Variants in SMARCA2 observed in about 807,000 individuals in gnomAD.
SMARCA2 encodes the protein SWI/SNF related BAF chromatin remodeling complex subunit ATPase 2, also known as SWI/SNF-related matrix-associated actin-dependent regulator of chromatin subfamily A member 2.
A neutral mutation model predicts 199.8 loss-of-function variants in SMARCA2; 61 were observed. That is an observed-to-expected ratio of 0.31 (90% CI 0.25 to 0.38). The LOEUF (loss-of-function observed/expected upper bound fraction) is 0.38, where lower values mean the gene tolerates loss of function less well. Among genes scored for constraint, SMARCA2 ranks in the 10% least tolerant of loss-of-function variants. The pLI is 1.00. For synonymous variants in SMARCA2, 935 were observed against 732.0 expected (o/e 1.28, Z -4.48); for missense variants, 1,344 against 2,012.2 (o/e 0.67, Z 6.35).
intron 21 of SMARCA2, among the ~76,000 whole-genome samples, chr9:2,099,332 A>G (rs967294461): frequency 6.6e-6 from 1 of 152,168 alleles, no homozygotes; most frequent in Admixed American, 6.5e-5. Context: ...AAACAATTTT[A>G]AGACATGTAT....
chr9:2,071,450 C>G (rs545008611), intron 10 of SMARCA2, among the ~76,000 whole-genome samples: 1 of 152,292 alleles, frequency 6.6e-6, no homozygotes, highest in African/African-American at 2.4e-5. Context: ...CCCAGCCTTA[C>G]CTAAGAATGC....
chr9:2,186,136 G>C lies in SMARCA2; in HGVS notation c.4502G>C (p.Ser1501Thr). The C allele has an allele frequency of 6.2e-7, 1 of 1,614,066 alleles. No homozygotes were observed. Residue 1501 changes from serine to threonine, a missense_variant, in exon 32 of 34, where the codon AGT (serine) becomes ACT (threonine). Transcript: ENST00000349721. ...ATCGTCTTACAGTCAGTGTTTAAGA[G>C]TGCCCGGCAGAAAATTGCCAAAGAG... Reference protein sequence around the residue: ...DSIVLQSVFKSARQKIAKEEE... With the variant: ...DSIVLQSVFKTARQKIAKEEE...
rs1038080346 is a variant in SMARCA2, at chr9:2,086,493, C to A, written c.2527-336C>A. On this transcript the variant is annotated intron_variant, in intron 17 of 33. Transcript: ENST00000349721. This position sits in a 1 kb window ranked among gnomAD's most constrained non-coding sequence, Gnocchi z 4.3. ...AAATCTGGGATAGCTGTCATGATAA[C>A]GTATTAATAGAAGGGGCATTGGATG... Among the ~76,000 whole-genome samples, 4 of 152,092 alleles carry A rather than the reference C, an allele frequency of 2.6e-5. No individual in the cohort carries two copies. The highest frequency in any genetic ancestry group is 5.9e-5 in the Non-Finnish European group (4 of 68,028).
chr9:2,124,939 G>A (rs918933031), intron 27 of SMARCA2, among the ~76,000 whole-genome samples: 3 of 152,096 alleles, frequency 2.0e-5, no homozygotes, highest in African/African-American at 7.2e-5. Context: ...AGTGTAGTTG[G>A]GTAAAAACCA....
intron 24 of SMARCA2, among the ~76,000 whole-genome samples, chr9:2,111,085 T>C (rs1277018766): frequency 2.0e-5 from 3 of 151,092 alleles, no homozygotes; most frequent in Non-Finnish European, 4.4e-5. Context: ...CTCATGGCAC[T>C]GGTTTTCTAA....
intron 14 of SMARCA2, among the ~76,000 whole-genome samples, chr9:2,078,837 C>G (rs1000553385): frequency 6.6e-6 from 1 of 151,800 alleles, no homozygotes; most frequent in Admixed American, 6.6e-5. Context: ...CCCAGCTACT[C>G]GGGAAGCTGA....
At chr9:2,049,028 A>G (rs1198852745) in intron 5 of SMARCA2, among the ~76,000 whole-genome samples, 2 of 152,036 alleles carry the variant, frequency 1.3e-5, no homozygotes, top group Non-Finnish European at 2.9e-5. Flanking sequence ...TTTTTTTCCT[A>G]CCCTAGGAAA....
At chr9:2,167,050 G>C (rs985365776) in intron 28 of SMARCA2, among the ~76,000 whole-genome samples, 2 of 152,230 alleles carry the variant, frequency 1.3e-5, no homozygotes, top group Non-Finnish European at 2.9e-5. Context: ...TCAACATGAA[G>C]TGTAACAGTC....
chr9:2,036,267 T>C (rs1819328298), intron 3 of SMARCA2, among the ~76,000 whole-genome samples: 1 of 151,962 alleles, frequency 6.6e-6, no homozygotes, highest in Non-Finnish European at 1.5e-5. Context: ...AGATTATTAA[T>C]AGGAGAGAGG....
At chr9:2,131,481 T>C (rs995484257) in intron 27 of SMARCA2, among the ~76,000 whole-genome samples, 4 of 152,270 alleles carry the variant, frequency 2.6e-5, no homozygotes, top group Middle Eastern at 3.4e-3. Context: ...GGGCGATAGA[T>C]AACAGCAAGT....
chr9:2,088,721 T>C, intron 19 of SMARCA2, 108 bp downstream of exon 19: 2 of 760,978 alleles, frequency 2.6e-6, no homozygotes, highest in East Asian at 5.1e-5. Context: ...CATATTGTAG[T>C]TAATAGTATC....
chr9:2,136,008 A>G (rs967807144), intron 27 of SMARCA2, among the ~76,000 whole-genome samples: 3 of 148,732 alleles, frequency 2.0e-5, no homozygotes, highest in Non-Finnish European at 4.5e-5. Flanking sequence ...CGCCCGGCTA[A>G]TTTTTGTGTT....
chr9:2,101,575 C>A lies in SMARCA2; in HGVS notation c.3084C>A (p.Ser1028=). The A allele has an allele frequency of 6.6e-7, 1 of 1,522,092 alleles. No homozygotes were observed. The highest frequency in any genetic ancestry group is 9.0e-7 in the Non-Finnish European group (1 of 1,115,048). The allele number at this position is 1,522,092 out of a possible 1,614,324, so 94.3% of individuals were successfully genotyped here. A position where few individuals can be genotyped will look rare whatever the true frequency, so the allele number is the denominator to read the frequency against. Residue 1028 remains serine (S), a synonymous_variant, in exon 22 of 34, where the codon TCC becomes TCA. Transcript: ENST00000349721. ...HPYMFQHIEE[S]FAEHLGYSNG... ...TCTATCTCTCTCTTTTAAAGGAATCCTTTGCTGAACACCTAGGCTATTCAA... is the reference window on the plus strand; with the variant it reads ...TCTATCTCTCTCTTTTAAAGGAATCATTTGCTGAACACCTAGGCTATTCAA...
intron 14 of SMARCA2, chr9:2,080,269 G>T (rs553714363): frequency 2.0e-5 from 3 of 152,254 alleles, no homozygotes; most frequent in East Asian, 3.9e-4. Flanking sequence ...CATAAGCTTG[G>T]TTCAATATCT....
At chr9:2,038,573 A>G (rs1819435325) in intron 3 of SMARCA2, among the ~76,000 whole-genome samples, 1 of 152,182 alleles carries the variant, frequency 6.6e-6, no homozygotes, top group African/African-American at 2.4e-5. Flanking sequence ...CTTTCCTGAA[A>G]TAATTTGGAG....
Position 2,017,722 on chromosome 9 carries a change from A to G in SMARCA2, c.-37+2318A>G, listed in dbSNP as rs1433095709. 1 of 152,098 alleles carries G rather than the reference A, an allele frequency of 6.6e-6. No homozygotes were observed. Among genetic ancestry groups the G allele is most frequent in the African/African-American group, 2.4e-5 (1 of 41,502 alleles). 9.4% of individuals were successfully genotyped at this position (152,098 alleles called of 1,614,324 possible). On this transcript the variant is annotated intron_variant, in intron 1 of 33. Coordinates refer to ENST00000349721, the MANE Select transcript of SMARCA2 (RefSeq NM_003070.5). This position sits in a 1 kb window ranked among gnomAD's most constrained non-coding sequence, Gnocchi z 8.8. ...GCGGGCCTAGAGCCGCGGCTCGGAGACCGGTTCCCGTCCGCCGGCCGCGCC... is the reference window on the plus strand; with the variant it reads ...GCGGGCCTAGAGCCGCGGCTCGGAGGCCGGTTCCCGTCCGCCGGCCGCGCC...
chr9:2,107,275 G>T (rs1415807629), intron 23 of SMARCA2, among the ~76,000 whole-genome samples: 4 of 152,014 alleles, frequency 2.6e-5, no homozygotes, highest in African/African-American at 7.2e-5. Flanking sequence ...AATCTTTTTT[G>T]TTTTTTATAA....
In SMARCA2 at chr9:2,110,821, G is replaced by A. The variant is rs552234589; in HGVS notation, c.3456+404G>A. Among the ~76,000 whole-genome samples the A allele has an allele frequency of 4.6e-5, 7 of 152,316 alleles. No homozygotes were observed. The South Asian group carries it at 1.0e-3, about 23-fold the overall frequency. ...TTTCATTCAGTTTTACGACAACCCT[G>A]TCAGACGGTTAATATGATTTGAATC... On this transcript the variant is annotated intron_variant, in intron 24 of 33. Transcript: ENST00000349721. The surrounding 1 kb of genome is among the most constrained non-coding windows in gnomAD (Gnocchi z 4.8).
At chr9:2,157,180 T>A (rs1825411124) in intron 27 of SMARCA2, among the ~76,000 whole-genome samples, 1 of 152,180 alleles carries the variant, frequency 6.6e-6, no homozygotes, top group South Asian at 2.1e-4. Flanking sequence ...AAATCTCTCA[T>A]ATATGAAAAT....
Sources: gnomAD v4.1 joint callset for allele counts (sites outside exome capture counted in the v4.1 genomes callset) on GRCh38, gnomAD v4.1.1 for gene constraint, Gnocchi (gnomAD v3.1) non-coding constraint, MANE v1.5 for transcripts, NCBI Gene and HGNC (gene_info 2026-07-23, HGNC 2026-07-21) for gene names.